BMPR2: variants seen among roughly 807,000 people sequenced by gnomAD.
The protein encoded by BMPR2 is bone morphogenetic protein receptor type 2.
Under a neutral mutation model 100.8 loss-of-function variants are expected in BMPR2, and 29 were observed. The ratio of observed to expected loss-of-function variants is 0.29; its 90% CI spans 0.21 to 0.39. The LOEUF (loss-of-function observed/expected upper bound fraction) is 0.39. Among genes scored for constraint, BMPR2 ranks in the 10% least tolerant of loss-of-function variants. The pLI is 1.00. For missense variants in BMPR2, 1,011 were observed against 1,274.5 expected (o/e 0.79, Z 3.15); for synonymous variants, 382 against 442.3 (o/e 0.86, Z 1.71).
chr2:202,469,228 A>G (rs981714355), intron 3 of BMPR2, among the ~76,000 whole-genome samples: 15 of 151,938 alleles, frequency 9.9e-5, no homozygotes, highest in Non-Finnish European at 1.9e-4. Flanking sequence ...GGGTTTCTCC[A>G]TGTTGGTCAG....
intron 1 of BMPR2, among the ~76,000 whole-genome samples, chr2:202,389,452 G>A (rs1290601628): frequency 6.8e-6 from 1 of 146,620 alleles, no homozygotes; most frequent in African/African-American, 2.5e-5. Context: ...GCTTGAACCC[G>A]AGAGGCAGAG....
At chr2:202,557,128 C>T (rs1302019814) in intron 12 of BMPR2, among the ~76,000 whole-genome samples, 9 of 151,902 alleles carry the variant, frequency 5.9e-5, no homozygotes, top group Non-Finnish European at 8.8e-5. Flanking sequence ...GTCAGGAGTT[C>T]GAGACCAGCC....
At chr2:202,402,845 T>A (rs1690793633) in intron 1 of BMPR2, among the ~76,000 whole-genome samples, 12 of 151,446 alleles carry the variant, frequency 7.9e-5, no homozygotes, top group Non-Finnish European at 1.5e-5. Flanking sequence ...TTTTTTTTTT[T>A]GAGATGGAGT....
chr2:202,406,977 C>T (rs564812977), intron 1 of BMPR2, among the ~76,000 whole-genome samples: 2 of 151,454 alleles, frequency 1.3e-5, no homozygotes, highest in Non-Finnish European at 2.9e-5. Context: ...TTCAAACTTA[C>T]TCGATTGTCA....
chr2:202,539,647 CT>C (rs1311126910), intron 9 of BMPR2, among the ~76,000 whole-genome samples: 1 of 151,716 alleles, frequency 6.6e-6, no homozygotes, highest in Non-Finnish European at 1.5e-5. Context: ...AATGATTTAT[CT>C]GTATTACAGA....
intron 3 of BMPR2, among the ~76,000 whole-genome samples, chr2:202,474,480 A>G (rs887097477): frequency 6.6e-6 from 1 of 152,042 alleles, no homozygotes; most frequent in Admixed American, 6.6e-5. Flanking sequence ...CAAAAACAAA[A>G]CAAAACAAAA....
intron 3 of BMPR2, among the ~76,000 whole-genome samples, chr2:202,486,008 T>C (rs1692770826): frequency 6.6e-6 from 1 of 151,968 alleles, no homozygotes; most frequent in Non-Finnish European, 1.5e-5. Flanking sequence ...AAAACATCAG[T>C]TGTACCAGAC....
intron 3 of BMPR2, among the ~76,000 whole-genome samples, chr2:202,486,097 A>G (rs1477413502): frequency 6.6e-6 from 1 of 152,228 alleles, no homozygotes; most frequent in South Asian, 2.1e-4. Flanking sequence ...TAATATGACA[A>G]TTAAAAAAAA....
In BMPR2 at chr2:202,555,951, C is replaced by G. The variant is rs748571707; in HGVS notation, c.2286C>G (p.Thr762=). ...PKRPTSLPLN[T]KNSTKEPRLK... ...GACCTACTAGTTTGCCTTTGAACACCAAAAATTCAACAAAAGAGCCCCGGC... is the reference window on the plus strand; with the variant it reads ...GACCTACTAGTTTGCCTTTGAACACGAAAAATTCAACAAAAGAGCCCCGGC... Residue 762 remains threonine (T), a synonymous_variant, in exon 12 of 13, where the codon ACC becomes ACG. Transcript: ENST00000374580. 3.1e-6 allele frequency: 5 copies of G among 1,614,098 alleles called. No individual in the cohort carries two copies. In the Admixed American group the frequency reaches 8.3e-5, roughly 27 times the overall value.
rs1479483777 is a variant in BMPR2 at position 202,559,629 on chromosome 2, T to C, written c.2867-67T>C. ...GACATTGGTTTGACCTTTTCTTGAGTTACATCCCTTACCCGTTATTTCTTA... is the reference window on the plus strand; with the variant it reads ...GACATTGGTTTGACCTTTTCTTGAGCTACATCCCTTACCCGTTATTTCTTA... On this transcript the variant is annotated intron_variant, in intron 12 of 12. Transcript: ENST00000374580. 12 of 1,548,866 alleles carry C rather than the reference T, an allele frequency of 7.7e-6. No individual in the cohort carries two copies. The East Asian group carries it at 2.8e-4, about 36-fold the overall frequency.
intron 1 of BMPR2, among the ~76,000 whole-genome samples, chr2:202,457,515 TAAAG>T (rs1692137424): frequency 6.7e-6 from 1 of 148,774 alleles, no homozygotes; most frequent in African/African-American, 2.4e-5. Context: ...AGCAATAATA[TAAAG>T]ATATATTATT....
chr2:202,557,622 G>A (rs1386064351), intron 12 of BMPR2, among the ~76,000 whole-genome samples: 3 of 152,030 alleles, frequency 2.0e-5, no homozygotes, highest in Non-Finnish European at 2.9e-5. Flanking sequence ...AGCTGAGATT[G>A]CGCCATTGTA....
chr2:202,552,890 T>G lies in BMPR2; in HGVS notation c.1586+2T>G, dbSNP rs1688507874. The stretch of plus-strand genomic sequence containing the variant: ...GTCTACTGCTATGCAGAATGAACGG[T>G]AAGACCCTAAGGGGTGTGGCATCTA... On this transcript the variant is annotated splice_donor_variant, in intron 11 of 12. Transcript: ENST00000374580. LOFTEE classifies it high-confidence loss of function. The G allele has an allele frequency of 6.2e-7, 1 of 1,614,064 alleles. No homozygotes were observed. Among genetic ancestry groups the G allele is most frequent in the Non-Finnish European group, 8.5e-7 (1 of 1,180,038 alleles).
intron 3 of BMPR2, among the ~76,000 whole-genome samples, chr2:202,482,529 A>C (rs1692679634): frequency 6.7e-6 from 1 of 150,228 alleles, no homozygotes; most frequent in African/African-American, 2.5e-5. Flanking sequence ...ACATGACCCC[A>C]TGCCTGTCTA....
chr2:202,497,030 G>T (rs1383093300), intron 3 of BMPR2, among the ~76,000 whole-genome samples: 1 of 152,254 alleles, frequency 6.6e-6, no homozygotes, highest in Non-Finnish European at 1.5e-5. Flanking sequence ...GCCGGCCCCA[G>T]GCAATGAGGG....
chr2:202,393,799 T>C (rs1690597592), intron 1 of BMPR2, among the ~76,000 whole-genome samples: 1 of 151,932 alleles, frequency 6.6e-6, no homozygotes, highest in Non-Finnish European at 1.5e-5. Flanking sequence ...TTGAAATCTT[T>C]TCAAGCCCAT....
intron 1 of BMPR2, among the ~76,000 whole-genome samples, chr2:202,404,617 A>G (rs764378822): frequency 6.6e-6 from 1 of 152,220 alleles, no homozygotes; most frequent in Admixed American, 6.5e-5. Context: ...GCAATAAACG[A>G]GATAAATATA....
intron 1 of BMPR2, among the ~76,000 whole-genome samples, chr2:202,408,136 A>G (rs1690942280): frequency 6.6e-6 from 1 of 152,164 alleles, no homozygotes; most frequent in South Asian, 2.1e-4. Flanking sequence ...CCTGGGCTTT[A>G]ACTCAGGATT....
At chr2:202,458,036 T>G (rs142131016) in intron 1 of BMPR2, among the ~76,000 whole-genome samples, 17 of 152,196 alleles carry the variant, frequency 1.1e-4, no homozygotes, top group Non-Finnish European at 2.4e-4. Context: ...CAGACTTTAC[T>G]TGTTTTTCAA....
Sources: allele counts gnomAD v4.1 joint callset (sites outside exome capture counted in the v4.1 genomes callset), GRCh38; gene constraint gnomAD v4.1.1; transcripts MANE v1.5; gene names NCBI Gene and HGNC (gene_info 2026-07-23, HGNC 2026-07-21).